MKLN1: variants seen among roughly 807,000 people sequenced by gnomAD.
MKLN1 encodes the protein muskelin.
MKLN1 carries 18 observed loss-of-function variants against 99.0 expected under a neutral mutation model. The observed-to-expected ratio is 0.18, with a 90% CI of 0.13 to 0.27. MKLN1 has a LOEUF of 0.27. Ranked by LOEUF, MKLN1 falls within the 10% of genes least tolerant of loss-of-function variation. The pLI is 1.00. For missense variants in MKLN1, 621 were observed against 875.9 expected (o/e 0.71, Z 3.67); for synonymous variants, 288 against 293.2 (o/e 0.98, Z 0.18).
At chr7:131,346,494 C>T (rs1358429444) in intron 1 of MKLN1, among the ~76,000 whole-genome samples, 2 of 150,892 alleles carry the variant, frequency 1.3e-5, no homozygotes, top group African/African-American at 4.9e-5. Context: ...TGCACTCCAG[C>T]CTAGTGACAG....
intron 2 of MKLN1, among the ~76,000 whole-genome samples, chr7:131,161,774 C>T (rs1477286591): frequency 1.3e-5 from 2 of 151,576 alleles, no homozygotes; most frequent in African/African-American, 2.4e-5. Flanking sequence ...CTCCTGACCT[C>T]GTGATCCGCC....
chr7:131,125,779 A>G (rs1795443983), intron 1 of MKLN1, among the ~76,000 whole-genome samples: 1 of 152,008 alleles, frequency 6.6e-6, no homozygotes, highest in African/African-American at 2.4e-5. Flanking sequence ...CTGAGGCAGG[A>G]GAATCACGAG....
intron 3 of MKLN1, among the ~76,000 whole-genome samples, chr7:131,226,841 G>A (rs1355926891): frequency 2.6e-5 from 4 of 152,082 alleles, no homozygotes; most frequent in Non-Finnish European, 5.9e-5. Context: ...TTGGAAGTAA[G>A]TGGGCCATTT....
At chr7:131,232,635 T>G (rs1797259331) in intron 3 of MKLN1, among the ~76,000 whole-genome samples, 1 of 152,180 alleles carries the variant, frequency 6.6e-6, no homozygotes. Context: ...TTTTTGGCAG[T>G]GAACTAGGGA....
intron 8 of MKLN1, among the ~76,000 whole-genome samples, chr7:131,419,901 T>A (rs376443280): frequency 5.3e-5 from 8 of 152,158 alleles, no homozygotes; most frequent in East Asian, 3.8e-4. Context: ...CATTGTTGGG[T>A]TTAAGAAATG....
intron 10 of MKLN1, among the ~76,000 whole-genome samples, chr7:131,441,144 T>A (rs748607762): frequency 2.0e-5 from 3 of 152,170 alleles, no homozygotes. Flanking sequence ...GAAAGTGAGC[T>A]AGCCAAGAAG....
At chr7:131,384,648 C>T (rs1433038371) in intron 2 of MKLN1, among the ~76,000 whole-genome samples, 1 of 152,200 alleles carries the variant, frequency 6.6e-6, no homozygotes, top group Admixed American at 6.5e-5. Flanking sequence ...GAAACTAATA[C>T]ACCCTATAGT....
At chr7:131,280,632 GTT>G (rs200640415) in intron 3 of MKLN1, among the ~76,000 whole-genome samples, 2 of 145,230 alleles carry the variant, frequency 1.4e-5, no homozygotes, top group Admixed American at 7.4e-5. Flanking sequence ...ATTCATCCAT[GTT>G]TTTTTTTTCT....
chr7:131,422,503 A>C (rs983448965), intron 8 of MKLN1, among the ~76,000 whole-genome samples: 1 of 152,166 alleles, frequency 6.6e-6, no homozygotes, highest in Admixed American at 6.5e-5. Context: ...GCAGTGAGCT[A>C]TGATTGTGCC....
intron 12 of MKLN1, among the ~76,000 whole-genome samples, chr7:131,448,782 T>C (rs1306179911): frequency 6.6e-6 from 1 of 152,216 alleles, no homozygotes; most frequent in Non-Finnish European, 1.5e-5. Context: ...CAGTGTGTAA[T>C]TGGTTTACAC....
Position 131,263,955 on chromosome 7 carries a change from GC to G in MKLN1, c.-179+60983del, listed in dbSNP as rs911258045. Among the ~76,000 whole-genome samples, 21 of 152,226 alleles carry G rather than the reference GC, an allele frequency of 1.4e-4. 1 individual carries two copies. Among genetic ancestry groups the G allele is most frequent in the South Asian group, 6.2e-4 (3 of 4,822 alleles). Reference sequence around the variant, plus strand: ...GGAGTTGCCTGGCACCCAGGATATAGCCTTTATCCTGTATAAAGGATAAGAA... The same window carrying G: ...GGAGTTGCCTGGCACCCAGGATATAGCTTTATCCTGTATAAAGGATAAGAA... On this transcript the variant is annotated intron_variant, in intron 3 of 7. Transcript: ENST00000416992.
chr7:131,199,240 T>C (rs1365216017), intron 2 of MKLN1, among the ~76,000 whole-genome samples: 1 of 142,560 alleles, frequency 7.0e-6, no homozygotes, highest in Non-Finnish European at 1.5e-5. Context: ...TTTGCTAATT[T>C]CTATTGAACT....
At chr7:131,137,438 C>G (rs1412287291) in intron 1 of MKLN1, among the ~76,000 whole-genome samples, 2 of 152,114 alleles carry the variant, frequency 1.3e-5, no homozygotes, top group African/African-American at 4.8e-5. Context: ...CATCCTGTGA[C>G]TTGTACTGTG....
intron 2 of MKLN1, among the ~76,000 whole-genome samples, chr7:131,162,419 T>C (rs1234948143): frequency 6.6e-6 from 1 of 152,320 alleles, no homozygotes; most frequent in East Asian, 1.9e-4. Context: ...TGCTTATCAG[T>C]AGCACATAAA....
chr7:131,225,102 T>C (rs550891108), intron 3 of MKLN1, among the ~76,000 whole-genome samples: 1 of 151,746 alleles, frequency 6.6e-6, no homozygotes, highest in South Asian at 2.1e-4. Flanking sequence ...TACTAGAGAT[T>C]TGGGGGACGG....
At chr7:131,256,480 T>C (rs1797659542) in intron 3 of MKLN1, among the ~76,000 whole-genome samples, 1 of 152,194 alleles carries the variant, frequency 6.6e-6, no homozygotes, top group Admixed American at 6.5e-5. Flanking sequence ...AAAGCAGCTG[T>C]ATAAAAAATG....
chr7:131,267,613 C>T (rs1563272902), intron 3 of MKLN1, among the ~76,000 whole-genome samples: 1 of 152,098 alleles, frequency 6.6e-6, no homozygotes, highest in East Asian at 1.9e-4. Flanking sequence ...TAGATTCCAG[C>T]TTTTTAATCT....
At chr7:131,121,999 A>C (rs983083087) in intron 1 of MKLN1, among the ~76,000 whole-genome samples, 1 of 152,258 alleles carries the variant, frequency 6.6e-6, no homozygotes, top group South Asian at 2.1e-4. Context: ...TCTGTTAAGG[A>C]GGATCAGCTC....
At chr7:131,434,204 G>A (rs1795611570) in intron 9 of MKLN1, among the ~76,000 whole-genome samples, 1 of 152,032 alleles carries the variant, frequency 6.6e-6, no homozygotes, top group African/African-American at 2.4e-5. Context: ...GTGTTTTAAT[G>A]ATATTGAATC....
Sources: gnomAD v4.1 joint callset for allele counts (sites outside exome capture counted in the v4.1 genomes callset) on GRCh38, gnomAD v4.1.1 for gene constraint, MANE v1.5 for transcripts, NCBI Gene and HGNC (gene_info 2026-07-23, HGNC 2026-07-21) for gene names.